Variants in CADPS2 observed in about 807,000 individuals in gnomAD.
CADPS2 encodes calcium dependent secretion activator 2.
A neutral mutation model predicts 172.5 loss-of-function variants in CADPS2; 93 were observed. That is an observed-to-expected ratio of 0.54 (90% CI 0.46 to 0.64). CADPS2 has a LOEUF of 0.64. Among genes scored for constraint, CADPS2 ranks in the 30% least tolerant of loss-of-function variants. The probability of loss-of-function intolerance (pLI) is 0.00; values close to 1 mark genes in which losing one functional copy is unlikely to be tolerated. For missense variants in CADPS2, 1,420 were observed against 1,565.9 expected, an observed-to-expected ratio of 0.91 and a Z score of 1.57; for synonymous variants, 546 against 555.2, an observed-to-expected ratio of 0.98 and a Z score of 0.23.
chr7:122,545,584 T>G (rs2063541097), intron 8 of CADPS2, among the ~76,000 whole-genome samples: 1 of 152,144 alleles, frequency 6.6e-6, no homozygotes, highest in South Asian at 2.1e-4. Context: ...ATTCCTAAAT[T>G]CCTAAATGGT....
At chr7:122,641,351 T>G (rs2077623854) in intron 3 of CADPS2, among the ~76,000 whole-genome samples, 2 of 152,342 alleles carry the variant, frequency 1.3e-5, no homozygotes, top group African/African-American at 4.8e-5. Context: ...TTCCTCCTGT[T>G]CATTACACAG....
intron 8 of CADPS2, among the ~76,000 whole-genome samples, chr7:122,538,215 G>T (rs78743810): frequency 0.028 from 4,231 of 151,344 alleles, 76 homozygotes; most frequent in South Asian, 0.054. Flanking sequence ...ATTTAATGAG[G>T]TTAATATACC....
At chr7:122,563,304 G>A (rs1252346554) in intron 7 of CADPS2, among the ~76,000 whole-genome samples, 7 of 152,066 alleles carry the variant, frequency 4.6e-5, no homozygotes, top group Admixed American at 3.3e-4. Context: ...TCTATTAGAG[G>A]ATACTGCTTG....
At chr7:122,520,307 T>A (rs919944870) in intron 8 of CADPS2, among the ~76,000 whole-genome samples, 1 of 152,040 alleles carries the variant, frequency 6.6e-6, no homozygotes, top group Non-Finnish European at 1.5e-5. Context: ...TATTTTAAAA[T>A]GCTTGTCTTT....
intron 3 of CADPS2, among the ~76,000 whole-genome samples, chr7:122,636,948 T>A (rs939732876): frequency 2.0e-5 from 3 of 152,160 alleles, no homozygotes; most frequent in African/African-American, 7.2e-5. Context: ...GTTTTCCAAG[T>A]TGCTTACTCT....
chr7:122,743,018 T>C (rs1412396258), intron 1 of CADPS2, among the ~76,000 whole-genome samples: 1 of 152,174 alleles, frequency 6.6e-6, no homozygotes, highest in African/African-American at 2.4e-5. Context: ...TAATTTTGTC[T>C]TCAGACTACT....
At chr7:122,477,880 T>C (rs1280353862) in intron 12 of CADPS2, among the ~76,000 whole-genome samples, 1 of 152,146 alleles carries the variant, frequency 6.6e-6, no homozygotes, top group African/African-American at 2.4e-5. Context: ...ATCTCTAGAC[T>C]TGTTCATCCT....
chr7:122,715,701 C>T (rs1481159168), intron 2 of CADPS2, among the ~76,000 whole-genome samples: 3 of 149,130 alleles, frequency 2.0e-5, no homozygotes. Flanking sequence ...CAACACAACG[C>T]ATTGCAAAGA....
intron 20 of CADPS2, among the ~76,000 whole-genome samples, chr7:122,397,198 A>G (rs922782917): frequency 2.6e-5 from 4 of 152,194 alleles, no homozygotes; most frequent in African/African-American, 9.7e-5. Context: ...TTGACAGCAA[A>G]TGATTATATC....
chr7:122,807,040 A>G (rs12706451), intron 1 of CADPS2, among the ~76,000 whole-genome samples: 35,006 of 152,172 alleles, frequency 0.23, 4,486 homozygotes, highest in African/African-American at 0.34. Context: ...GGATACTGTA[A>G]GGACAGAGCA....
intron 20 of CADPS2, among the ~76,000 whole-genome samples, chr7:122,399,660 C>CTTTTTTTTTTTTTTTTTTTT (rs1008163151): frequency 5.9e-5 from 3 of 51,210 alleles, no homozygotes; most frequent in Non-Finnish European, 7.4e-5. Context: ...GGGTGGGTTT[C>CTTTTTTTTTTTTTTTTTTTT]TTTTTTTTTT....
chr7:122,471,584 G>C, intron 13 of CADPS2, 22 bp from the exon 14 acceptor site: 2 of 1,526,742 alleles, frequency 1.3e-6, no homozygotes, highest in Non-Finnish European at 1.8e-6. Context: ...AAAAAGAATA[G>C]ATATACATGT....
intron 23 of CADPS2, 29 bp downstream of exon 23, chr7:122,388,554 T>G (rs755236807): frequency 3.2e-6 from 5 of 1,551,720 alleles, no homozygotes; most frequent in Non-Finnish European, 4.4e-6. Context: ...GCTGGCACAT[T>G]AAGCAGCAAT....
At chr7:122,432,697 C>A (rs2050120648) in intron 17 of CADPS2, among the ~76,000 whole-genome samples, 1 of 146,762 alleles carries the variant, frequency 6.8e-6, no homozygotes, top group African/African-American at 2.5e-5. Flanking sequence ...GACACATAGG[C>A]AGTCAGTAGA....
chr7:122,833,523 C>T (rs755318947), intron 1 of CADPS2, among the ~76,000 whole-genome samples: 1 of 151,852 alleles, frequency 6.6e-6, no homozygotes, highest in African/African-American at 2.4e-5. Flanking sequence ...TCCCACCACA[C>T]CCAGCTTTGT....
At chr7:122,625,868 T>C (rs1457013265) in intron 4 of CADPS2, among the ~76,000 whole-genome samples, 1 of 152,232 alleles carries the variant, frequency 6.6e-6, no homozygotes, top group African/African-American at 2.4e-5. Context: ...ATTTATTATA[T>C]CTACCTAGAT....
intron 1 of CADPS2, among the ~76,000 whole-genome samples, chr7:122,782,288 A>G (rs764821656): frequency 4.6e-5 from 7 of 152,162 alleles, no homozygotes; most frequent in Non-Finnish European, 1.0e-4. Flanking sequence ...CTTTGTGGCT[A>G]TTTTGCTAAT....
chr7:122,451,467 C>T lies in CADPS2; in HGVS notation c.2195G>A (p.Gly732Glu). The T allele has an allele frequency of 6.4e-7, 1 of 1,562,442 alleles. No homozygotes were observed. Among genetic ancestry groups the T allele is most frequent in the Non-Finnish European group, 8.7e-7 (1 of 1,153,078 alleles). ...TTCTTCCACTGAAACAGTCCCAATT[C>T]CATCAGGCCTGAAAAAAAAATCAGA... Reference protein sequence around the residue: ...ASHVHGNRPDGIGTVSVEEKE... With the variant: ...ASHVHGNRPDEIGTVSVEEKE... Residue 732 changes from glycine to glutamate, a missense_variant, in exon 15 of 30, where the codon GGA becomes GAA. By Grantham distance (98) the Gly-to-Glu change is moderately conservative. Transcript: ENST00000449022.
intron 1 of CADPS2, among the ~76,000 whole-genome samples, chr7:122,787,094 C>T (rs187739223): frequency 4.7e-4 from 72 of 152,236 alleles, no homozygotes; most frequent in Admixed American, 2.0e-3. Flanking sequence ...TCTAGAGAAG[C>T]CACTCCAGAA....
Sources: gnomAD v4.1 joint callset for allele counts (sites outside exome capture counted in the v4.1 genomes callset) on GRCh38, gnomAD v4.1.1 for gene constraint, MANE v1.5 for transcripts, NCBI Gene and HGNC (gene_info 2026-07-23, HGNC 2026-07-21) for gene names.